Variants in PTCH2 observed in about 807,000 individuals in gnomAD.
The protein encoded by PTCH2 is protein patched homolog 2.
In PTCH2, 96 loss-of-function variants were observed where a neutral mutation model predicts 117.9. The ratio of observed to expected loss-of-function variants is 0.81; its 90% confidence interval spans 0.69 to 0.96. The LOEUF (loss-of-function observed/expected upper bound fraction) is 0.96. PTCH2 is among the 50% of genes least tolerant of loss of function. The pLI, the probability that PTCH2 is intolerant of heterozygous loss-of-function variation, is 0.00. For synonymous variants in PTCH2, 615 were observed against 660.9 expected (o/e 0.93, Z 1.06); for missense variants, 1,379 against 1,562.5 (o/e 0.88, Z 1.98).
Position 44,842,882 on chromosome 1 carries a change from T to C in PTCH2, c.51A>G (p.Pro17=), listed in dbSNP as rs200424305. The part of the protein sequence containing the change: ...LRELPPSYTP[P]ARTAAPQILA... ...TCACCTGGGGTGCTGCGGTTCGAGCTGGGGGTGTGTAACTCGGGGGCAGCT... is the reference window on the plus strand; with the variant it reads ...TCACCTGGGGTGCTGCGGTTCGAGCCGGGGGTGTGTAACTCGGGGGCAGCT... The change falls in exon 1 of 22, where the codon CCA becomes CCG. Residue 17 remains proline (P), a synonymous_variant. Transcript: ENST00000372192. 1.3e-6 allele frequency: 2 copies of C among 1,547,838 alleles called. No individual in the cohort carries two copies. Among genetic ancestry groups the C allele is most frequent in the East Asian group, 4.9e-5 (2 of 40,566 alleles).
chr1:44,822,964 G>C, intron 21 of PTCH2, 105 bp downstream of exon 21: 1 of 1,289,884 alleles, frequency 7.8e-7, no homozygotes, highest in South Asian at 1.3e-5. Context: ...GCACCTGTTG[G>C]GGAGGTACCT....
Position 44,822,139 on chromosome 1 carries a change from G to A in PTCH2, c.*276C>T. 7.1e-7 allele frequency: 1 copy of A among 1,408,876 alleles called. No homozygotes were observed. Among genetic ancestry groups the A allele is most frequent in the Non-Finnish European group, 9.2e-7 (1 of 1,084,580 alleles). The allele number at this position is 1,408,876 out of a possible 1,614,324, so 87.3% of individuals were successfully genotyped here. ...TCAGGCTTGGTCAGCTGGGCAGGCA[G>A]TGGTGTGGGGTGGGAAGGGGGACAG... On this transcript the variant is annotated 3_prime_UTR_variant, in exon 22 of 22. Transcript: ENST00000372192.
downstream of PTCH2, chr1:44,820,458 AG>A: frequency 2.9e-6 from 2 of 683,580 alleles, no homozygotes; most frequent in Non-Finnish European, 5.4e-6. Flanking sequence ...ACAGACACTC[AG>A]GGGCACTGGG....
chr1:44,826,098 G>C lies in PTCH2; in HGVS notation c.3114+152C>G. 1 of 1,028,316 alleles carries C rather than the reference G, an allele frequency of 9.7e-7. No homozygotes were observed. The highest frequency in any genetic ancestry group is 1.4e-6 in the Non-Finnish European group (1 of 694,598). 63.7% of individuals were successfully genotyped at this position (1,028,316 alleles called of 1,614,324 possible). On this transcript the variant is annotated intron_variant, in intron 19 of 21. Transcript: ENST00000372192. The surrounding 1 kb of genome is among the most constrained non-coding windows in gnomAD (Gnocchi z 5.1). ...TGACCTCAGGTGATCCACCTGCCTC[G>C]GCCTCCCAAAGTGCTGGGATTACAG...
chr1:44,822,627 GT>G lies in PTCH2; in HGVS notation c.3399del (p.Pro1134GlnfsTer23). The G allele has an allele frequency of 6.2e-7, 1 of 1,614,024 alleles. No individual in the cohort carries two copies. ...MYKESPEILSPPAPQGGGLRW... is the reference protein window; with the variant it reads ...MYKESPEILSXPAPQGGGLRW... ...CTAAGCCCGCCTCCCTGTGGAGCTG[GT>G]GGACTCAGGATCTCTGGGCTTTCCT... On this transcript the variant is annotated frameshift_variant, in exon 22 of 22. Transcript: ENST00000372192. LOFTEE classifies it high-confidence loss of function.
Position 44,822,333 on chromosome 1 carries a change from C to G in PTCH2, c.*82G>C. 2 of 1,605,372 alleles carry G rather than the reference C, an allele frequency of 1.2e-6. No homozygotes were observed. The highest frequency in any genetic ancestry group is 1.7e-6 in the Non-Finnish European group (2 of 1,179,614). Reference sequence around the variant, plus strand: ...GCAGCAGCAGGGCCCTCCAGGGGTCCATCCTGCGTCTAACACCAGACCCAG... The same window carrying G: ...GCAGCAGCAGGGCCCTCCAGGGGTCGATCCTGCGTCTAACACCAGACCCAG... On this transcript the variant is annotated 3_prime_UTR_variant, in exon 22 of 22. Transcript: ENST00000372192.
At chr1:44,833,796 C>T (rs961887432) in intron 2 of PTCH2, among the ~76,000 whole-genome samples, 3 of 151,678 alleles carry the variant, frequency 2.0e-5, no homozygotes, top group South Asian at 4.2e-4. Flanking sequence ...TGGGGTTTCA[C>T]GGCCTCCCAA....
Position 44,831,085 on chromosome 1 carries a change from A to C in PTCH2, c.618-42T>G, listed in dbSNP as rs1353879396. The stretch of plus-strand genomic sequence containing the variant: ...TAGTTGGTGAGGGTCAGGGACGAAA[A>C]CCCAGGCTCCAAACTGCTGCTGGGG... On this transcript the variant is annotated intron_variant, in intron 5 of 21. Transcript: ENST00000372192. This position sits in a 1 kb window ranked among gnomAD's most constrained non-coding sequence, Gnocchi z 4.3. 2 of 1,579,276 alleles carry C rather than the reference A, an allele frequency of 1.3e-6. No individual in the cohort carries two copies.
At position 44,828,384 on chromosome 1, in the gene PTCH2, C is replaced by T. The variant is rs778833779; in HGVS notation, c.1621G>A (p.Ala541Thr). ...AAIVVGCTFV[A>T]VMLVFPAILS... ...ATGGCTGGGAAGACAAGCATCACGG[C>T]TACAAAGGTGCAGCCAACCACTATG... Residue 541 changes from alanine (A) to threonine (T), a missense_variant, in exon 13 of 22, where the codon GCC (alanine) becomes ACC (threonine). Coordinates refer to ENST00000372192, the MANE Select transcript of PTCH2 (RefSeq NM_003738.5). 5 of 1,614,174 alleles carry T rather than the reference C, an allele frequency of 3.1e-6. No homozygotes were observed. The highest frequency in any genetic ancestry group is 2.5e-6 in the Non-Finnish European group (3 of 1,180,026).
rs765469465 is a variant in PTCH2, at chr1:44,827,687, G to A, written c.2086C>T (p.Leu696Phe). The A allele has an allele frequency of 5.6e-6, 9 of 1,611,526 alleles. No individual in the cohort carries two copies. The Admixed American group carries it at 1.5e-4, about 27-fold the overall frequency. ...GCTCCGTAGAGGCTCAGGCCCAGAA[G>A]AGCACCAAAGAGCACCAGCACGATG... ...KAIVLVLFGALLGLSLYGATL... is the reference protein window; with the variant it reads ...KAIVLVLFGAFLGLSLYGATL... The change falls in exon 15 of 22, where the codon CTT becomes TTT. Residue 696 changes from leucine (L) to phenylalanine (F), a missense_variant. Physicochemically the swap from Leu to Phe is conservative, Grantham distance 22. Transcript: ENST00000372192.
chr1:44,827,221 G>A lies in PTCH2; in HGVS notation c.2460C>T (p.Ala820=), dbSNP rs762684070. The change falls in exon 16 of 22, where the codon GCC becomes GCT. Residue 820 remains alanine, a synonymous_variant. Coordinates refer to ENST00000372192, the MANE Select transcript of PTCH2 (RefSeq NM_003738.5). ...YRNGSEDGAL[A]YKLLIQTGDA... is the part of the protein sequence containing the mutation. ...CTCCAGTCTGGATGAGCAGCTTGTA[G>A]GCCAGGGCCCCATCCTCAGAGCCAT... 3.7e-6 allele frequency: 6 copies of A among 1,614,038 alleles called. No individual in the cohort carries two copies. The highest frequency in any genetic ancestry group is 2.2e-5 in the South Asian group (2 of 91,094).
Position 44,828,646 on chromosome 1 carries a change from T to G in PTCH2, c.1465-15A>C. Reference sequence around the variant, plus strand: ...CCCATGCGCTCCTGCCAGGACAGAGTGGGGACCTGCCCTCAGGTCACAAGG... The same window carrying G: ...CCCATGCGCTCCTGCCAGGACAGAGGGGGGACCTGCCCTCAGGTCACAAGG... On this transcript the variant is annotated splice_polypyrimidine_tract_variant and intron_variant, in intron 11 of 21. Coordinates refer to ENST00000372192, the MANE Select transcript of PTCH2 (RefSeq NM_003738.5). 6.2e-7 allele frequency: 1 copy of G among 1,609,546 alleles called. No homozygotes were observed. The highest frequency in any genetic ancestry group is 8.5e-7 in the Non-Finnish European group (1 of 1,178,472).
chr1:44,836,424 G>A (rs929751492), intron 2 of PTCH2, among the ~76,000 whole-genome samples: 2 of 151,888 alleles, frequency 1.3e-5, no homozygotes, highest in Non-Finnish European at 2.9e-5. Context: ...CCAGCCTGGG[G>A]GCCGGCCAGG....
Position 44,826,679 on chromosome 1 carries a change from C to T in PTCH2, c.2785G>A (p.Gly929Arg). 6.2e-7 allele frequency: 1 copy of T among 1,607,872 alleles called. No homozygotes were observed. The highest frequency in any genetic ancestry group is 8.5e-7 in the Non-Finnish European group (1 of 1,176,782). ...GCCTCTGCGCATGCTGCCCGGGCCC[C>T]CTCGATGGCCTCCACAAAGTCTGCA... ...KTADFVEAIE[G>R]ARAACAEAGQ... Residue 929 changes from glycine to arginine, a missense_variant, in exon 18 of 22, where the codon GGG becomes AGG. Transcript: ENST00000372192. The surrounding 1 kb of genome is among the most constrained non-coding windows in gnomAD (Gnocchi z 5.1).
chr1:44,839,374 AAAAAAAAAACAGAAAG>A (rs1429353735), intron 2 of PTCH2, among the ~76,000 whole-genome samples: 3 of 151,060 alleles, frequency 2.0e-5, no homozygotes, highest in Non-Finnish European at 4.4e-5. Flanking sequence ...AAAAAAAAAA[AAAAAAAAAACAGAAAG>A]AAAAAAAAAG....
chr1:44,830,095 C>T (rs1653364858), intron 6 of PTCH2, 65 bp from the exon 7 acceptor site: 1 of 1,595,534 alleles, frequency 6.3e-7, no homozygotes, highest in Non-Finnish European at 8.6e-7. Context: ...TGTCCCTGGG[C>T]TTCCACCTCC....
At chr1:44,842,341 G>A (rs1653989576) in intron 1 of PTCH2, among the ~76,000 whole-genome samples, 1 of 146,302 alleles carries the variant, frequency 6.8e-6, no homozygotes, top group Admixed American at 6.9e-5. Context: ...GTGCAGTGGT[G>A]TGATCTCGGC....
At chr1:44,835,824 G>A (rs1373119520) in intron 2 of PTCH2, among the ~76,000 whole-genome samples, 1 of 152,188 alleles carries the variant, frequency 6.6e-6, no homozygotes, top group Non-Finnish European at 1.5e-5. Flanking sequence ...GGTGTGCGCA[G>A]GGAACTGTCA....
rs121434397 is a variant in PTCH2, at chr1:44,827,617, C to A, written c.2156G>T (p.Arg719Leu). The change falls in exon 15 of 22, where the codon CGG becomes CTG. Residue 719 changes from arginine to leucine, a missense_variant. Physicochemically the swap from Arg to Leu is moderately radical, Grantham distance 102. Coordinates refer to ENST00000372192, the MANE Select transcript of PTCH2 (RefSeq NM_003738.5). ...DGLALTDVVP[R>L]GTKEHAFLSA... ...CAGGAAGGCATGCTCCTTGGTGCCCCGAGGCACCACATCCGTCAGGGCCAG... is the reference window on the plus strand; with the variant it reads ...CAGGAAGGCATGCTCCTTGGTGCCCAGAGGCACCACATCCGTCAGGGCCAG... 1 of 1,613,824 alleles carries A rather than the reference C, an allele frequency of 6.2e-7. No homozygotes were observed. The highest frequency in any genetic ancestry group is 1.3e-5 in the African/African-American group (1 of 75,032).
Sources: gnomAD v4.1 joint callset for allele counts (sites outside exome capture counted in the v4.1 genomes callset) on GRCh38, gnomAD v4.1.1 for gene constraint, Gnocchi (gnomAD v3.1) non-coding constraint, MANE v1.5 for transcripts, NCBI Gene and HGNC (gene_info 2026-07-23, HGNC 2026-07-21) for gene names.